ANP32B: variants seen among roughly 807,000 people sequenced by gnomAD.
ANP32B encodes the protein acidic leucine-rich nuclear phosphoprotein 32 family member B.
ANP32B carries 6 observed loss-of-function variants against 32.2 expected under a neutral mutation model. The ratio of observed to expected loss-of-function variants is 0.19; its 90% CI spans 0.10 to 0.37. ANP32B has a LOEUF of 0.37. Among genes scored for constraint, ANP32B ranks in the 10% least tolerant of loss-of-function variants. ANP32B has a pLI of 1.00. For missense variants in ANP32B, 204 were observed against 289.2 expected, an observed-to-expected ratio of 0.71 and a Z score of 2.14; for synonymous variants, 98 against 105.8, an observed-to-expected ratio of 0.93 and a Z score of 0.45.
At chr9:98,003,180 A>G (rs1828023509) in intron 3 of ANP32B, among the ~76,000 whole-genome samples, 1 of 152,224 alleles carries the variant, frequency 6.6e-6, no homozygotes, top group South Asian at 2.1e-4. Flanking sequence ...AACTGACTAT[A>G]TAAGCACATT....
chr9:98,015,866 T>C lies in ANP32B; in HGVS notation c.*435T>C, dbSNP rs1158451825. ...AATTATTATTATTATTTTTTTTACA[T>C]TAGGACATTTTATGTGACAACTGCC... is the stretch of plus-strand genomic sequence containing the variant. On this transcript the variant is annotated 3_prime_UTR_variant, in exon 7 of 7. Coordinates refer to ENST00000339399, the MANE Select transcript of ANP32B (RefSeq NM_006401.3). 9.4e-6 allele frequency: 9 copies of C among 961,656 alleles called. No homozygotes were observed. Among genetic ancestry groups the C allele is most frequent in the African/African-American group, 1.8e-5 (1 of 56,532 alleles). The allele number at this position is 961,656 out of a possible 1,614,324, so 59.6% of individuals were successfully genotyped here. A position where few individuals can be genotyped will look rare whatever the true frequency, so the allele number is the denominator to read the frequency against.
intron 2 of ANP32B, among the ~76,000 whole-genome samples, chr9:97,998,158 T>G (rs1487181136): frequency 6.6e-6 from 1 of 152,242 alleles, no homozygotes; most frequent in African/African-American, 2.4e-5. Context: ...AAGTGGGCAT[T>G]GCAAGCTTTG....
At chr9:97,985,222 G>A (rs944117926) in intron 1 of ANP32B, among the ~76,000 whole-genome samples, 3 of 152,106 alleles carry the variant, frequency 2.0e-5, no homozygotes, top group African/African-American at 7.2e-5. Flanking sequence ...GGTGGCTGTG[G>A]TTAACAAGTC....
intron 1 of ANP32B, among the ~76,000 whole-genome samples, chr9:97,985,389 C>T (rs1410816464): frequency 1.3e-5 from 2 of 152,128 alleles, no homozygotes; most frequent in African/African-American, 2.4e-5. Context: ...GTGGGCCGCT[C>T]CGGGGGTTGC....
chr9:98,004,205 A>G (rs959611751), intron 3 of ANP32B, among the ~76,000 whole-genome samples: 6 of 152,240 alleles, frequency 3.9e-5, no homozygotes, highest in East Asian at 1.9e-4. Flanking sequence ...CTGTTTTTAG[A>G]TAGATGAAAC....
chr9:98,000,492 C>G (rs1827972029), intron 3 of ANP32B, among the ~76,000 whole-genome samples: 1 of 152,148 alleles, frequency 6.6e-6, no homozygotes, highest in South Asian at 2.1e-4. Context: ...TTGCTGCATC[C>G]AAGGACATGA....
intron 1 of ANP32B, among the ~76,000 whole-genome samples, chr9:97,985,247 A>G (rs1827697879): frequency 6.6e-6 from 1 of 151,984 alleles, no homozygotes; most frequent in Admixed American, 6.5e-5. Context: ...ACTTGTGGGA[A>G]TTCGTCGACC....
chr9:98,011,519 A>T, intron 5 of ANP32B, 130 bp downstream of exon 5: 1 of 1,313,096 alleles, frequency 7.6e-7, no homozygotes, highest in Non-Finnish European at 1.0e-6. Flanking sequence ...TACATTTACA[A>T]TATGAATCTG....
chr9:98,005,246 A>G, intron 4 of ANP32B, 93 bp downstream of exon 4: 2 of 1,319,794 alleles, frequency 1.5e-6, no homozygotes, highest in Non-Finnish European at 2.1e-6. Flanking sequence ...GTGGCACACA[A>G]CCGTAATCCC....
At chr9:98,015,297 T>A in intron 6 of ANP32B, 67 bp from the exon 7 acceptor site, 1 of 1,536,146 alleles carries the variant, frequency 6.5e-7, no homozygotes, top group African/African-American at 1.4e-5. Flanking sequence ...TGTTGTTGCC[T>A]CCATTGGCAA....
intron 1 of ANP32B, among the ~76,000 whole-genome samples, chr9:97,985,161 G>T (rs1451768427): frequency 6.6e-6 from 1 of 151,734 alleles, no homozygotes; most frequent in Non-Finnish European, 1.5e-5. Context: ...GGCCCCGCGG[G>T]GCCTCCCGAC....
At chr9:97,994,548 A>G (rs1827875729) in intron 1 of ANP32B, 83 bp from the exon 2 acceptor site, 1 of 1,430,064 alleles carries the variant, frequency 7.0e-7, no homozygotes, top group Non-Finnish European at 9.6e-7. Context: ...TTTTTGCAGG[A>G]TATTTATGGT....
intron 2 of ANP32B, 103 bp from the exon 3 acceptor site, chr9:97,998,453 T>C: frequency 1.6e-6 from 2 of 1,281,500 alleles, no homozygotes; most frequent in South Asian, 3.4e-5. Flanking sequence ...TCATTTGATC[T>C]TGATAAATCT....
chr9:98,012,999 G>A (rs1828214016), intron 6 of ANP32B, among the ~76,000 whole-genome samples: 2 of 152,206 alleles, frequency 1.3e-5, no homozygotes, highest in Admixed American at 1.3e-4. Context: ...CAAAGTGCCG[G>A]GATTACAGGC....
intron 5 of ANP32B, 140 bp from the exon 6 acceptor site, chr9:98,012,281 G>T: frequency 9.1e-7 from 1 of 1,097,294 alleles, no homozygotes. Flanking sequence ...CATCAAAGTA[G>T]ATAAAAATAA....
intron 1 of ANP32B, among the ~76,000 whole-genome samples, chr9:97,988,298 A>AT (rs201978933): frequency 8.4e-4 from 127 of 151,604 alleles, no homozygotes; most frequent in Middle Eastern, 3.4e-3. Flanking sequence ...TTATAATGTG[A>AT]TTTTTTTTTC....
chr9:98,005,288 G>A (rs887958434), intron 4 of ANP32B, 135 bp downstream of exon 4: 4 of 737,758 alleles, frequency 5.4e-6, no homozygotes, highest in Non-Finnish European at 6.4e-6. Flanking sequence ...AGGGGGCATT[G>A]CTTGAGCCCA....
At chr9:98,007,093 G>A (rs866258741) in intron 4 of ANP32B, among the ~76,000 whole-genome samples, 5 of 152,084 alleles carry the variant, frequency 3.3e-5, no homozygotes, top group South Asian at 2.1e-4. Context: ...AAACATGAAC[G>A]TGAAAAACAG....
intron 1 of ANP32B, among the ~76,000 whole-genome samples, 159 bp downstream of exon 1, chr9:97,983,768 G>A (rs1194281756): frequency 2.0e-5 from 3 of 151,844 alleles, no homozygotes; most frequent in East Asian, 3.9e-4. Context: ...AGGGGGGAGC[G>A]AGCGCGCGAG....
Sources: allele counts gnomAD v4.1 joint callset (sites outside exome capture counted in the v4.1 genomes callset), GRCh38; gene constraint gnomAD v4.1.1; transcripts MANE v1.5; gene names NCBI Gene and HGNC (gene_info 2026-07-23, HGNC 2026-07-21).